The following INPP5F variants were observed in gnomAD, a reference collection of about 807,000 sequenced individuals.
INPP5F encodes the protein inositol polyphosphate-5-phosphatase F, also known as phosphatidylinositide 4-phosphatase SAC2.
Under a neutral mutation model 137.2 loss-of-function variants are expected in INPP5F, and 97 were observed. The ratio of observed to expected loss-of-function variants is 0.71; its 90% CI spans 0.60 to 0.84. INPP5F has a LOEUF of 0.84. Ranked by LOEUF, INPP5F falls within the 40% of genes least tolerant of loss-of-function variation. The probability of loss-of-function intolerance (pLI) is 0.00; values close to 1 mark genes in which losing one functional copy is unlikely to be tolerated. For synonymous variants in INPP5F, 504 were observed against 476.9 expected, an observed-to-expected ratio of 1.06 and a Z score of -0.74; for missense variants, 1,271 against 1,371.9, an observed-to-expected ratio of 0.93 and a Z score of 1.16.
At chr10:119,771,022 C>T (rs1037188970) in intron 2 of INPP5F, among the ~76,000 whole-genome samples, 9 of 152,222 alleles carry the variant, frequency 5.9e-5, no homozygotes, top group African/African-American at 1.7e-4. Context: ...TGCAAGGTTA[C>T]GCAACATTTA....
At chr10:119,761,106 T>G (rs1848997252) in intron 2 of INPP5F, among the ~76,000 whole-genome samples, 1 of 152,222 alleles carries the variant, frequency 6.6e-6, no homozygotes, top group Non-Finnish European at 1.5e-5. Context: ...ATAGATTATT[T>G]CAAGGTTATT....
At chr10:119,819,358 C>T in intron 15 of INPP5F, 2 of 1,232,944 alleles carry the variant, frequency 1.6e-6, no homozygotes, top group South Asian at 2.7e-5. Context: ...GTGCCAAGTG[C>T]TTTTTGTTAA....
intron 19 of INPP5F, among the ~76,000 whole-genome samples, chr10:119,824,983 A>C (rs571694963): frequency 1.3e-5 from 2 of 152,360 alleles, no homozygotes; most frequent in Non-Finnish European, 2.9e-5. Context: ...GTGGGTTCAG[A>C]ACATGGACTC....
At chr10:119,784,961 C>T (rs1365239311) in intron 3 of INPP5F, among the ~76,000 whole-genome samples, 1 of 152,166 alleles carries the variant, frequency 6.6e-6, no homozygotes, top group Non-Finnish European at 1.5e-5. Context: ...AATAATACAC[C>T]ACGTGGCCTT....
At chr10:119,818,351 A>C (rs1851374918) in intron 15 of INPP5F, among the ~76,000 whole-genome samples, 1 of 152,244 alleles carries the variant, frequency 6.6e-6, no homozygotes, top group Non-Finnish European at 1.5e-5. Context: ...CCGTGCGCTC[A>C]GGTCGCCTGC....
chr10:119,753,701 A>G (rs1848753168), intron 2 of INPP5F, among the ~76,000 whole-genome samples: 1 of 152,210 alleles, frequency 6.6e-6, no homozygotes, highest in African/African-American at 2.4e-5. Context: ...TACACAAGGT[A>G]AAAGAAACTG....
intron 2 of INPP5F, among the ~76,000 whole-genome samples, chr10:119,772,214 G>A (rs1416946306): frequency 6.6e-6 from 1 of 151,292 alleles, no homozygotes; most frequent in East Asian, 1.9e-4. Flanking sequence ...TTTTTACTTT[G>A]GGGACATTAC....
chr10:119,732,590 C>G (rs982776131), intron 1 of INPP5F, among the ~76,000 whole-genome samples: 4 of 147,656 alleles, frequency 2.7e-5, no homozygotes, highest in African/African-American at 1.0e-4. Context: ...ACCTCTGCCT[C>G]CCGGGTTCAA....
At chr10:119,756,901 T>G (rs1288626145) in intron 2 of INPP5F, among the ~76,000 whole-genome samples, 1 of 138,572 alleles carries the variant, frequency 7.2e-6, no homozygotes, top group Non-Finnish European at 1.6e-5. Context: ...CTATTTGCCC[T>G]AATGCCTAGA....
At chr10:119,797,036 G>A in intron 7 of INPP5F, 123 bp downstream of exon 7, 6 of 948,442 alleles carry the variant, frequency 6.3e-6, no homozygotes, top group Non-Finnish European at 8.2e-6. Context: ...AAGTGCTTGG[G>A]GACTCTAAAT....
At chr10:119,737,352 C>CTAAGACCAAGTTACTAATTATATAT in intron 1 of INPP5F, among the ~76,000 whole-genome samples, 1 of 152,194 alleles carries the variant, frequency 6.6e-6, no homozygotes, top group East Asian at 1.9e-4. Context: ...GTTACTAATA[C>CTAAGACCAAGTTACTAATTATATAT]AGGTCCTTCC....
chr10:119,787,223 G>A lies in INPP5F; in HGVS notation c.316-4294G>A, dbSNP rs535730910. On this transcript the variant is annotated intron_variant, in intron 3 of 19. Transcript: ENST00000650623. This position sits in a 1 kb window ranked among gnomAD's most constrained non-coding sequence, Gnocchi z 4.1. Reference sequence around the variant, plus strand: ...TTTGGATTTTGGAATTGTACATAAGGAAGTTAAGGGATGATGGGCTTATAT... The same window carrying A: ...TTTGGATTTTGGAATTGTACATAAGAAAGTTAAGGGATGATGGGCTTATAT... Among the ~76,000 whole-genome samples the A allele has an allele frequency of 6.6e-6, 1 of 152,220 alleles. No homozygotes were observed. The highest frequency in any genetic ancestry group is 1.9e-4 in the East Asian group (1 of 5,188).
chr10:119,791,762 C>T, intron 4 of INPP5F, 107 bp from the exon 5 acceptor site: 1 of 1,304,172 alleles, frequency 7.7e-7, no homozygotes, highest in Non-Finnish European at 1.1e-6. Flanking sequence ...AGCACCATCT[C>T]CTTATGCCCT....
At chr10:119,768,032 AT>A (rs1482749610) in intron 2 of INPP5F, among the ~76,000 whole-genome samples, 1 of 152,178 alleles carries the variant, frequency 6.6e-6, no homozygotes, top group East Asian at 1.9e-4. Flanking sequence ...CCCTTTTCAG[AT>A]TATCTTTTTC....
At chr10:119,785,965 TTA>T (rs1165755732) in intron 3 of INPP5F, among the ~76,000 whole-genome samples, 3 of 152,238 alleles carry the variant, frequency 2.0e-5, no homozygotes, top group Admixed American at 6.5e-5. Context: ...CCCTTTAAAG[TTA>T]TATAGGCTTA....
At chr10:119,792,775 TC>T (rs2134208391) in intron 6 of INPP5F, among the ~76,000 whole-genome samples, 1 of 152,314 alleles carries the variant, frequency 6.6e-6, no homozygotes, top group Non-Finnish European at 1.5e-5. Context: ...AAATTGACTG[TC>T]TAAAGACAAT....
At chr10:119,782,830 A>G (rs969754647) in intron 3 of INPP5F, among the ~76,000 whole-genome samples, 85 of 152,352 alleles carry the variant, frequency 5.6e-4, no homozygotes, top group African/African-American at 1.9e-3. Context: ...ATCAGGTAAC[A>G]GCAAAGCACA....
intron 2 of INPP5F, among the ~76,000 whole-genome samples, chr10:119,771,477 C>T (rs1051526541): frequency 9.2e-5 from 14 of 151,640 alleles, no homozygotes; most frequent in Admixed American, 3.9e-4. Flanking sequence ...TTCAGCGAAG[C>T]CTCCCTCACT....
chr10:119,775,157 GA>G (rs560846641), intron 2 of INPP5F, among the ~76,000 whole-genome samples: 4 of 152,058 alleles, frequency 2.6e-5, no homozygotes, highest in African/African-American at 7.3e-5. Flanking sequence ...TCCTTAGGGG[GA>G]AAAATCAATC....
Sources: allele counts gnomAD v4.1 joint callset (sites outside exome capture counted in the v4.1 genomes callset), GRCh38; gene constraint gnomAD v4.1.1; non-coding constraint Gnocchi (gnomAD v3.1); transcripts MANE v1.5; gene names NCBI Gene and HGNC (gene_info 2026-07-23, HGNC 2026-07-21).